The following IARS1 variants were observed in gnomAD, a reference collection of about 807,000 sequenced individuals.
The protein encoded by IARS1 is isoleucine--tRNA ligase, cytoplasmic.
A neutral mutation model predicts 168.2 loss-of-function variants in IARS1; 124 were observed. That is an observed-to-expected ratio of 0.74 (90% CI 0.64 to 0.86). The LOEUF is 0.86. IARS1 is among the 40% of genes least tolerant of loss of function. The pLI, the probability that IARS1 is intolerant of heterozygous loss-of-function variation, is 0.00. For missense variants in IARS1, 1,452 were observed against 1,515.8 expected, an observed-to-expected ratio of 0.96 and a Z score of 0.70; for synonymous variants, 532 against 529.4, an observed-to-expected ratio of 1.00 and a Z score of -0.07.
chr9:92,274,470 C>T lies in IARS1; in HGVS notation c.946G>A (p.Glu316Lys), dbSNP rs1833521351. Residue 316 changes from glutamate to lysine, a missense_variant, in exon 10 of 34, where the codon GAA (glutamate) becomes AAA (lysine). By Grantham distance (56) the Glu-to-Lys change is moderately conservative. Coordinates refer to ENST00000443024, the MANE Select transcript of IARS1 (RefSeq NM_002161.6). ...TGGTGGACAACCCCTGTGCCTTCTT[C>T]TTCCTTCACATAGTTGTCAACAAGC... is the stretch of plus-strand genomic sequence containing the variant. ...TVLVDNYVKEEEGTGVVHQAP... is the reference protein window; with the variant it reads ...TVLVDNYVKEKEGTGVVHQAP... 6.2e-7 allele frequency: 1 copy of T among 1,613,892 alleles called. No homozygotes were observed. Among genetic ancestry groups the T allele is most frequent in the Non-Finnish European group, 8.5e-7 (1 of 1,179,922 alleles).
Position 92,227,012 on chromosome 9 carries a change from C to G in IARS1, c.3409+1989G>C, listed in dbSNP as rs375138305. Among the ~76,000 whole-genome samples, 520 of 136,350 alleles carry G rather than the reference C, an allele frequency of 3.8e-3. 20 individuals carry two copies. In the South Asian group the frequency reaches 0.092, roughly 24 times the overall value. 89.5% of individuals were successfully genotyped at this position (136,350 alleles called of 152,430 possible). A position where few individuals can be genotyped will look rare whatever the true frequency, so the allele number is the denominator to read the frequency against. On this transcript the variant is annotated intron_variant, in intron 31 of 33. Coordinates refer to ENST00000443024, the MANE Select transcript of IARS1 (RefSeq NM_002161.6). ...ATTAGGGAGTGGTGATGACTCTTAACGAGCATGCTGCCTTCAAGCATCTGT... is the reference window on the plus strand; with the variant it reads ...ATTAGGGAGTGGTGATGACTCTTAAGGAGCATGCTGCCTTCAAGCATCTGT...
intron 31 of IARS1, among the ~76,000 whole-genome samples, chr9:92,224,137 C>T (rs1264358244): frequency 1.3e-5 from 2 of 152,224 alleles, no homozygotes; most frequent in Non-Finnish European, 2.9e-5. Context: ...CTTCTCTCAA[C>T]CACAGGTGTG....
At chr9:92,282,826 A>G (rs1184768512) in intron 6 of IARS1, among the ~76,000 whole-genome samples, 1 of 147,564 alleles carries the variant, frequency 6.8e-6, no homozygotes, top group Non-Finnish European at 1.5e-5. Context: ...ACTTACATAT[A>G]TACATACACA....
At chr9:92,284,485 T>G (rs1835130608) in intron 6 of IARS1, among the ~76,000 whole-genome samples, 1 of 152,006 alleles carries the variant, frequency 6.6e-6, no homozygotes, top group Admixed American at 6.6e-5. Context: ...CATTCAAGTG[T>G]TTTAAAAAAC....
intron 7 of IARS1, among the ~76,000 whole-genome samples, chr9:92,280,448 A>T (rs1834377649): frequency 6.6e-6 from 1 of 152,216 alleles, no homozygotes; most frequent in Non-Finnish European, 1.5e-5. Flanking sequence ...GTGATGCCAC[A>T]TCGCTGAATC....
At chr9:92,268,401 A>G (rs1280341005) in intron 13 of IARS1, 101 bp from the exon 14 acceptor site, 2 of 1,170,634 alleles carry the variant, frequency 1.7e-6, no homozygotes, top group African/African-American at 3.2e-5. Context: ...TTGTGGACCA[A>G]ACACTCTGGA....
chr9:92,251,754 T>C (rs1830036558), intron 22 of IARS1, 54 bp downstream of exon 22: 1 of 1,231,098 alleles, frequency 8.1e-7, no homozygotes, highest in African/African-American at 1.5e-5. Flanking sequence ...AGCAAGTAGG[T>C]GCTGAAGGCA....
intron 11 of IARS1, 82 bp from the exon 12 acceptor site, chr9:92,271,158 T>G: frequency 2.6e-6 from 2 of 783,120 alleles, no homozygotes; most frequent in Non-Finnish European, 4.0e-6. Flanking sequence ...TGATACCTTG[T>G]TATGAATAAA....
chr9:92,251,915 A>C (rs1830055124), intron 21 of IARS1, 30 bp from the exon 22 acceptor site: 1 of 1,435,872 alleles, frequency 7.0e-7, no homozygotes, highest in South Asian at 1.2e-5. Flanking sequence ...CATAAACATT[A>C]AACTGTTAAA....
chr9:92,212,192 A>T (rs1218528513), intron 33 of IARS1, among the ~76,000 whole-genome samples: 1 of 152,210 alleles, frequency 6.6e-6, no homozygotes, highest in Non-Finnish European at 1.5e-5. Context: ...AGCAAGCAAG[A>T]AGACATCTAA....
At chr9:92,217,053 C>T (rs1838829165) in intron 33 of IARS1, among the ~76,000 whole-genome samples, 1 of 148,396 alleles carries the variant, frequency 6.7e-6, no homozygotes, top group Non-Finnish European at 1.5e-5. Context: ...TGTAAAAGAA[C>T]AGAAATTATA....
Position 92,256,805 on chromosome 9 carries a change from G to C in IARS1, c.2017-5C>G. On this transcript the variant is annotated splice_polypyrimidine_tract_variant and splice_region_variant and intron_variant, in intron 19 of 33. Transcript: ENST00000443024. ...GAGAAATTCTATTTCTTCCTCCTAG[G>C]AAGGAACAATTAATGAAACACTGGC... 6.2e-7 allele frequency: 1 copy of C among 1,607,064 alleles called. No homozygotes were observed. Among genetic ancestry groups the C allele is most frequent in the Middle Eastern group, 1.7e-4 (1 of 6,038 alleles).
intron 30 of IARS1, among the ~76,000 whole-genome samples, chr9:92,234,448 T>C (rs1337553878): frequency 1.3e-5 from 2 of 152,178 alleles, no homozygotes; most frequent in African/African-American, 4.8e-5. Flanking sequence ...GAAAATAATC[T>C]TGGAGTTGAG....
intron 33 of IARS1, among the ~76,000 whole-genome samples, chr9:92,214,328 G>A (rs969680748): frequency 6.6e-6 from 1 of 152,010 alleles, no homozygotes; most frequent in Non-Finnish European, 1.5e-5. Flanking sequence ...GGCCCAAGTG[G>A]GTGGATCACC....
intron 30 of IARS1, chr9:92,240,255 T>C (rs1828174444): frequency 5.8e-6 from 1 of 171,850 alleles, no homozygotes; most frequent in Admixed American, 5.6e-5. Flanking sequence ...CTTTAGTGGA[T>C]TCATTTTTCT....
Position 92,228,119 on chromosome 9 carries a change from C to T in IARS1, c.3409+882G>A, listed in dbSNP as rs1043178278. 5.3e-5 allele frequency among the ~76,000 whole-genome samples: 8 copies of T among 152,076 alleles called. No homozygotes were observed. In the South Asian group the frequency reaches 6.2e-4, roughly 12 times the overall value. ...GAGGCCAAGGCTGGCGGATCACTGG[C>T]GGTTAGGAGCTGGAGACCAGCCCGA... On this transcript the variant is annotated intron_variant, in intron 31 of 33. Coordinates refer to ENST00000443024, the MANE Select transcript of IARS1 (RefSeq NM_002161.6).
chr9:92,262,567 A>C, intron 17 of IARS1, among the ~76,000 whole-genome samples: 1 of 152,180 alleles, frequency 6.6e-6, no homozygotes, highest in Non-Finnish European at 1.5e-5. Flanking sequence ...GGTCAAGCCC[A>C]GTGTGGCTGT....
At chr9:92,217,074 T>C (rs1243539319) in intron 33 of IARS1, among the ~76,000 whole-genome samples, 1 of 148,458 alleles carries the variant, frequency 6.7e-6, no homozygotes, top group African/African-American at 2.5e-5. Context: ...ACAAACTGTC[T>C]CTCAGACCAC....
intron 33 of IARS1, among the ~76,000 whole-genome samples, chr9:92,214,891 C>T (rs553706773): frequency 1.2e-4 from 18 of 152,330 alleles, no homozygotes; most frequent in African/African-American, 4.3e-4. Flanking sequence ...ACAAAGCAGC[C>T]GGGAAGCTCG....
Sources: allele counts gnomAD v4.1 joint callset (sites outside exome capture counted in the v4.1 genomes callset), GRCh38; gene constraint gnomAD v4.1.1; transcripts MANE v1.5; gene names NCBI Gene and HGNC (gene_info 2026-07-23, HGNC 2026-07-21).